The following DGKB variants were observed in gnomAD, a reference collection of about 807,000 sequenced individuals.
The protein encoded by DGKB is diacylglycerol kinase beta, also known as 90 kDa diacylglycerol kinase.
Under a neutral mutation model 114.3 loss-of-function variants are expected in DGKB, and 67 were observed. That is an observed-to-expected ratio of 0.59 (90% confidence interval 0.48 to 0.72). The LOEUF is 0.72. Among genes scored for constraint, DGKB ranks in the 30% least tolerant of loss-of-function variants. The pLI is 0.00. For synonymous variants in DGKB, 398 were observed against 323.1 expected (o/e 1.23, Z -2.49); for missense variants, 907 against 975.2 (o/e 0.93, Z 0.93).
At position 14,245,323 on chromosome 7, in the gene DGKB, G is replaced by A. The variant is rs529702925; in HGVS notation, c.2123-67172C>T. Among the ~76,000 whole-genome samples, 12 of 152,246 alleles carry A rather than the reference G, an allele frequency of 7.9e-5. No individual in the cohort carries two copies. The South Asian group carries it at 2.3e-3, about 29-fold the overall frequency. On this transcript the variant is annotated intron_variant, in intron 23 of 25. Transcript: ENST00000402815. ...TTTAACAGTGATATCAGGTAAGGAT[G>A]ATGTACATTTGAATGTAATTGATTA... is the stretch of plus-strand genomic sequence containing the variant.
intron 23 of DGKB, among the ~76,000 whole-genome samples, chr7:14,218,765 A>T (rs1789436434): frequency 2.0e-5 from 3 of 151,978 alleles, no homozygotes; most frequent in Admixed American, 2.0e-4. Flanking sequence ...TGTAATCCAC[A>T]TATCATTCAC....
intron 13 of DGKB, among the ~76,000 whole-genome samples, chr7:14,660,166 T>A (rs56842649): frequency 6.6e-6 from 1 of 152,024 alleles, no homozygotes; most frequent in Non-Finnish European, 1.5e-5. Flanking sequence ...TGCATCAATG[T>A]TCCTCAAGGA....
chr7:14,799,535 T>C (rs1841860403), intron 2 of DGKB, among the ~76,000 whole-genome samples: 1 of 152,208 alleles, frequency 6.6e-6, no homozygotes, highest in Non-Finnish European at 1.5e-5. Flanking sequence ...ATGGGATTTT[T>C]AGAGCTCCAG....
At chr7:14,639,635 A>G (rs1197892609) in intron 13 of DGKB, among the ~76,000 whole-genome samples, 1 of 152,162 alleles carries the variant, frequency 6.6e-6, no homozygotes, top group Non-Finnish European at 1.5e-5. Context: ...CTATGATTGG[A>G]TTTTTGCTGC....
chr7:14,286,921 C>T (rs763740542), intron 23 of DGKB, among the ~76,000 whole-genome samples: 4 of 152,068 alleles, frequency 2.6e-5, no homozygotes, highest in Non-Finnish European at 2.9e-5. Context: ...CCAACACATT[C>T]GCCACTTACA....
At chr7:14,797,120 T>G (rs568137223) in intron 2 of DGKB, among the ~76,000 whole-genome samples, 3 of 152,312 alleles carry the variant, frequency 2.0e-5, no homozygotes, top group South Asian at 4.1e-4. Flanking sequence ...TACTTTTTAC[T>G]TTTTACTTTC....
rs371117893 is a variant in DGKB, at chr7:14,769,228, GAGAAAGAAAGAA to G, written c.71-11509_71-11498del. 4.3e-3 allele frequency among the ~76,000 whole-genome samples: 512 copies of G among 119,674 alleles called. 4 individuals are homozygous for G. Among genetic ancestry groups the G allele is most frequent in the African/African-American group, 5.7e-3 (175 of 30,820 alleles). The allele number at this position is 119,674 out of a possible 152,430, so 78.5% of individuals were successfully genotyped here. ...GAAAGGAAAGAAAGAGAAAGAGAGA[GAGAAAGAAAGAA>G]AGAAAGAAAGAAAGAAAGAAAGAAA... is the stretch of plus-strand genomic sequence containing the variant. On this transcript the variant is annotated intron_variant, in intron 2 of 25. Transcript: ENST00000402815.
chr7:14,335,370 G>A (rs1477930430), intron 23 of DGKB, among the ~76,000 whole-genome samples: 1 of 151,958 alleles, frequency 6.6e-6, no homozygotes, highest in African/African-American at 2.4e-5. Context: ...CATGAATTTA[G>A]TTACATGTGT....
At chr7:14,482,713 A>G (rs1783165123) in intron 20 of DGKB, among the ~76,000 whole-genome samples, 1 of 152,114 alleles carries the variant, frequency 6.6e-6, no homozygotes, top group Admixed American at 6.6e-5. Context: ...ATCTGGAATA[A>G]AACAATGTTT....
Position 14,841,357 on chromosome 7 carries a change from G to C in DGKB, c.-94C>G. Reference sequence around the variant, plus strand: ...ATGCTTCAAAGATTCCACATGGCATGTTTCATGATAAAATACCTCAGGCTT... The same window carrying C: ...ATGCTTCAAAGATTCCACATGGCATCTTTCATGATAAAATACCTCAGGCTT... On this transcript the variant is annotated 5_prime_UTR_variant, in exon 2 of 26. Coordinates refer to ENST00000402815, the MANE Select transcript of DGKB (RefSeq NM_001350709.2). 9.5e-7 allele frequency: 1 copy of C among 1,053,690 alleles called. No homozygotes were observed. The highest frequency in any genetic ancestry group is 1.4e-6 in the Non-Finnish European group (1 of 721,366). 65.3% of individuals were successfully genotyped at this position (1,053,690 alleles called of 1,614,324 possible).
At chr7:14,857,206 GTCTCTCTC>G (rs36093995) in intron 1 of DGKB, among the ~76,000 whole-genome samples, 5 of 146,568 alleles carry the variant, frequency 3.4e-5, no homozygotes, top group African/African-American at 7.6e-5. Context: ...CTCTCTCTCT[GTCTCTCTC>G]TCTCTCTCTC....
At chr7:14,537,610 T>A (rs754993148) in intron 20 of DGKB, among the ~76,000 whole-genome samples, 14 of 152,208 alleles carry the variant, frequency 9.2e-5, no homozygotes, top group Middle Eastern at 3.4e-3. Flanking sequence ...CAGACACTTA[T>A]CCCATAGACA....
intron 1 of DGKB, among the ~76,000 whole-genome samples, chr7:14,891,889 A>T (rs1781290289): frequency 6.6e-6 from 1 of 151,322 alleles, no homozygotes; most frequent in East Asian, 1.9e-4. Context: ...GAGATGAGAG[A>T]TCATAGACTT....
chr7:14,209,623 A>G (rs530210179), intron 23 of DGKB: 3 of 402,806 alleles, frequency 7.4e-6, no homozygotes, highest in African/African-American at 4.3e-5. Flanking sequence ...AGCTTTACCA[A>G]TCTCCCATTT....
intron 1 of DGKB, among the ~76,000 whole-genome samples, chr7:14,969,936 C>G (rs957762099): frequency 1.3e-5 from 2 of 152,068 alleles, no homozygotes; most frequent in Non-Finnish European, 2.9e-5. Flanking sequence ...ATTATGAAGT[C>G]TAAGACATTG....
At chr7:14,288,843 GGTCA>G (rs1393398707) in intron 23 of DGKB, among the ~76,000 whole-genome samples, 1 of 152,110 alleles carries the variant, frequency 6.6e-6, no homozygotes, top group Non-Finnish European at 1.5e-5. Context: ...TGTTGTGGTG[GGTCA>G]GTCTGGTTCT....
At chr7:14,312,997 A>T (rs1805667233) in intron 23 of DGKB, among the ~76,000 whole-genome samples, 4 of 152,334 alleles carry the variant, frequency 2.6e-5, no homozygotes, top group Admixed American at 2.6e-4. Flanking sequence ...ATTAAAAATC[A>T]CTCATAGTTA....
intron 4 of DGKB, among the ~76,000 whole-genome samples, chr7:14,748,143 C>T (rs1833621326): frequency 1.3e-5 from 2 of 152,110 alleles, no homozygotes; most frequent in Admixed American, 1.3e-4. Context: ...AGAAAGTGTT[C>T]TTTGAGCACC....
chr7:14,903,227 GT>G (rs1783395130), upstream of DGKB: 1 of 152,760 alleles, frequency 6.5e-6, no homozygotes, highest in Non-Finnish European at 1.4e-5. Flanking sequence ...GTGTGTGTGT[GT>G]GTGTGTGTGT....
Sources: gnomAD v4.1 joint callset for allele counts (sites outside exome capture counted in the v4.1 genomes callset) on GRCh38, gnomAD v4.1.1 for gene constraint, MANE v1.5 for transcripts, NCBI Gene and HGNC (gene_info 2026-07-23, HGNC 2026-07-21) for gene names.